Variants in NRCAM observed in about 807,000 individuals in gnomAD.
NRCAM encodes the protein neuronal cell adhesion molecule.
In NRCAM, 83 loss-of-function variants were observed where a neutral mutation model predicts 156.5. The observed-to-expected ratio is 0.53, with a 90% CI of 0.44 to 0.64. The LOEUF is 0.64. Ranked by LOEUF, NRCAM falls within the 30% of genes least tolerant of loss-of-function variation. The probability of loss-of-function intolerance (pLI) is 0.00; values close to 1 mark genes in which losing one functional copy is unlikely to be tolerated. For missense variants in NRCAM, 1,417 were observed against 1,597.3 expected, an observed-to-expected ratio of 0.89 and a Z score of 1.92; for synonymous variants, 538 against 563.9, an observed-to-expected ratio of 0.95 and a Z score of 0.65.
At chr7:108,348,437 G>C (rs2099386004) in intron 2 of NRCAM, among the ~76,000 whole-genome samples, 1 of 152,144 alleles carries the variant, frequency 6.6e-6, no homozygotes, top group Non-Finnish European at 1.5e-5. Context: ...GTTATCCTTG[G>C]GCAGGGAACA....
chr7:108,393,152 C>T (rs2099766217), intron 2 of NRCAM, among the ~76,000 whole-genome samples: 1 of 152,166 alleles, frequency 6.6e-6, no homozygotes, highest in South Asian at 2.1e-4. Flanking sequence ...CAGCTATGCC[C>T]TGCCCCCAGA....
At chr7:108,252,877 C>A (rs149860328) in intron 3 of NRCAM, among the ~76,000 whole-genome samples, 6 of 152,360 alleles carry the variant, frequency 3.9e-5, no homozygotes, top group Non-Finnish European at 8.8e-5. Context: ...GATGGGGAAG[C>A]AATTGATAAT....
At position 108,429,964 on chromosome 7, in the gene NRCAM, A is replaced by G. The variant is rs73714859; in HGVS notation, c.-332+26279T>C. Among the ~76,000 whole-genome samples, 822 of 152,268 alleles carry G rather than the reference A, an allele frequency of 5.4e-3. 8 individuals are homozygous for G. The highest frequency in any genetic ancestry group is 0.019 in the African/African-American group (794 of 41,542). ...AAAAACGTGAAAGAGGTGACAGAGA[A>G]ATGGACAAACAGACCTAGGGAAAGA... On this transcript the variant is annotated intron_variant, in intron 1 of 32. Transcript: ENST00000379028.
At chr7:108,218,160 G>A (rs981673384) in intron 11 of NRCAM, among the ~76,000 whole-genome samples, 1 of 130,686 alleles carries the variant, frequency 7.7e-6, no homozygotes, top group Non-Finnish European at 1.6e-5. Flanking sequence ...AGTCCCTCAC[G>A]GCTTCCCTTG....
chr7:108,245,794 T>C (rs1337532552), intron 3 of NRCAM, among the ~76,000 whole-genome samples: 2 of 152,228 alleles, frequency 1.3e-5, no homozygotes, highest in Non-Finnish European at 2.9e-5. Flanking sequence ...ACCAAGGTCT[T>C]TTGGAGTGAA....
chr7:108,224,054 A>C (rs998184290), intron 10 of NRCAM, among the ~76,000 whole-genome samples: 1 of 152,176 alleles, frequency 6.6e-6, no homozygotes, highest in Admixed American at 6.5e-5. Context: ...TGGTGGCATA[A>C]GCACTAATAA....
intron 2 of NRCAM, among the ~76,000 whole-genome samples, chr7:108,368,448 C>T (rs1238145522): frequency 6.6e-6 from 1 of 152,018 alleles, no homozygotes; most frequent in Non-Finnish European, 1.5e-5. Context: ...AGTAAAAAAT[C>T]TTTTCCGTTG....
At chr7:108,264,287 T>C (rs2097001599) in intron 3 of NRCAM, among the ~76,000 whole-genome samples, 1 of 152,252 alleles carries the variant, frequency 6.6e-6, no homozygotes, top group Non-Finnish European at 1.5e-5. Flanking sequence ...GCATCTTCTT[T>C]TCTACTTCCT....
chr7:108,202,864 G>A (rs553966086), intron 13 of NRCAM, among the ~76,000 whole-genome samples: 8 of 152,176 alleles, frequency 5.3e-5, no homozygotes, highest in South Asian at 2.1e-4. Flanking sequence ...ACACAATAAC[G>A]GTGTGATCTT....
intron 1 of NRCAM, among the ~76,000 whole-genome samples, chr7:108,405,239 G>C (rs2099803982): frequency 6.6e-6 from 1 of 152,218 alleles, no homozygotes; most frequent in Non-Finnish European, 1.5e-5. Flanking sequence ...ATTAAGTGTA[G>C]TGATTTAGCA....
chr7:108,417,411 GCCAAACTCAT>G lies in NRCAM; in HGVS notation c.-331-17828_-331-17819del, dbSNP rs1386122820. Among the ~76,000 whole-genome samples the G allele has an allele frequency of 4.6e-5, 7 of 152,248 alleles. No homozygotes were observed. The East Asian group carries it at 1.4e-3, about 29-fold the overall frequency. On this transcript the variant is annotated intron_variant, in intron 1 of 32. Transcript: ENST00000379028. Reference sequence around the variant, plus strand: ...GAGCAAGAGAGACACAGGGAAGGGGGCCAAACTCATCCTTTTATAATAACAACAATCCTAC... The same window carrying G: ...GAGCAAGAGAGACACAGGGAAGGGGGCCTTTTATAATAACAACAATCCTAC...
chr7:108,176,741 G>T, intron 26 of NRCAM, 135 bp from the exon 27 acceptor site: 1 of 641,474 alleles, frequency 1.6e-6, no homozygotes, highest in Non-Finnish European at 2.7e-6. Context: ...TCTTTCCCCA[G>T]CATAACTAAG....
rs180739447 is a variant in NRCAM, at chr7:108,237,867, G to A, written c.107-98C>T. ...CGTTAGAACTCTGAAGATAAAGGGG[G>A]CATCTTGTCTATTTGATTTGATCTA... On this transcript the variant is annotated intron_variant, in intron 4 of 32. Transcript: ENST00000379028. 88 of 828,406 alleles carry A rather than the reference G, an allele frequency of 1.1e-4. No individual in the cohort carries two copies. In the East Asian group the frequency reaches 2.2e-3, roughly 21 times the overall value. 51.3% of individuals were successfully genotyped at this position (828,406 alleles called of 1,614,324 possible).
intron 21 of NRCAM, 45 bp from the exon 22 acceptor site, chr7:108,184,356 G>A (rs75016870): frequency 0.034 from 54,719 of 1,613,070 alleles, 1,987 homozygotes; most frequent in African/African-American, 0.17. Flanking sequence ...GGCCTTTTGC[G>A]AAGAGTGGAA....
At chr7:108,240,239 T>C (rs1281959004) in intron 3 of NRCAM, 69 bp from the exon 4 acceptor site, 7 of 519,000 alleles carry the variant, frequency 1.3e-5, no homozygotes, top group African/African-American at 7.7e-5. Context: ...AGCGGAAGTC[T>C]GCAGCACAGA....
At chr7:108,199,696 C>A (rs1186505237) in intron 13 of NRCAM, among the ~76,000 whole-genome samples, 1 of 152,148 alleles carries the variant, frequency 6.6e-6, no homozygotes, top group Admixed American at 6.6e-5. Context: ...TTTGGGGGCT[C>A]ATGTAATTAA....
At chr7:108,440,116 A>G (rs1836918088) in intron 1 of NRCAM, among the ~76,000 whole-genome samples, 2 of 152,158 alleles carry the variant, frequency 1.3e-5, no homozygotes, top group Non-Finnish European at 2.9e-5. Flanking sequence ...AACAGTCCAT[A>G]TGTCTATCCA....
intron 1 of NRCAM, among the ~76,000 whole-genome samples, chr7:108,443,903 C>G (rs56249535): frequency 0.41 from 40,838 of 100,560 alleles, 6,135 homozygotes; most frequent in African/African-American, 0.53. Context: ...TACATACATA[C>G]ATACATACAT....
intron 2 of NRCAM, among the ~76,000 whole-genome samples, chr7:108,334,676 A>G (rs2099160865): frequency 6.6e-6 from 1 of 152,216 alleles, no homozygotes; most frequent in Non-Finnish European, 1.5e-5. Flanking sequence ...ACCTGAGATG[A>G]GAAAGCCAAC....
Sources: allele counts gnomAD v4.1 joint callset (sites outside exome capture counted in the v4.1 genomes callset), GRCh38; gene constraint gnomAD v4.1.1; transcripts MANE v1.5; gene names NCBI Gene and HGNC (gene_info 2026-07-23, HGNC 2026-07-21).